CDH9: variants seen among roughly 807,000 people sequenced by gnomAD.
The protein encoded by CDH9 is cadherin 9.
Under a neutral mutation model 70.9 loss-of-function variants are expected in CDH9, and 28 were observed. The ratio of observed to expected loss-of-function variants is 0.40; its 90% CI spans 0.29 to 0.54. CDH9 has a LOEUF of 0.54. Ranked by LOEUF, CDH9 falls within the 20% of genes least tolerant of loss-of-function variation. The probability of loss-of-function intolerance (pLI) is 0.59; values close to 1 mark genes in which losing one functional copy is unlikely to be tolerated. For missense variants in CDH9, 874 were observed against 984.4 expected (o/e 0.89, Z 1.50); for synonymous variants, 409 against 343.1 (o/e 1.19, Z -2.12).
chr5:26,966,262 G>A (rs761719382), intron 2 of CDH9, among the ~76,000 whole-genome samples: 6 of 152,126 alleles, frequency 3.9e-5, no homozygotes, highest in Non-Finnish European at 7.4e-5. Context: ...ATTGACTCTG[G>A]CAAGTGTATT....
chr5:26,945,235 G>A (rs1322786870), intron 2 of CDH9, among the ~76,000 whole-genome samples: 1 of 148,890 alleles, frequency 6.7e-6, no homozygotes, highest in South Asian at 2.1e-4. Flanking sequence ...TGAACCAATT[G>A]CATGACTAAT....
chr5:26,955,982 C>G (rs538258913), intron 2 of CDH9, among the ~76,000 whole-genome samples: 8 of 152,238 alleles, frequency 5.3e-5, no homozygotes, highest in Non-Finnish European at 1.0e-4. Flanking sequence ...AAAACTTACA[C>G]TAAAATTTAA....
At chr5:26,924,799 A>C (rs907301544) in intron 2 of CDH9, among the ~76,000 whole-genome samples, 1 of 151,986 alleles carries the variant, frequency 6.6e-6, no homozygotes, top group African/African-American at 2.4e-5. Flanking sequence ...GAGAACATGC[A>C]GTGCTTAGTC....
At chr5:26,935,382 C>T (rs1422864483) in intron 2 of CDH9, among the ~76,000 whole-genome samples, 1 of 152,028 alleles carries the variant, frequency 6.6e-6, no homozygotes, top group Non-Finnish European at 1.5e-5. Context: ...AGACATCCTA[C>T]CTAATGCCAT....
At chr5:26,939,718 T>A (rs1390074469) in intron 2 of CDH9, among the ~76,000 whole-genome samples, 1 of 152,160 alleles carries the variant, frequency 6.6e-6, no homozygotes, top group Non-Finnish European at 1.5e-5. Context: ...TACTTCTAAG[T>A]ATATTTATGA....
chr5:26,971,247 T>C (rs896512489), intron 2 of CDH9, among the ~76,000 whole-genome samples: 2 of 152,112 alleles, frequency 1.3e-5, no homozygotes, highest in Admixed American at 6.6e-5. Flanking sequence ...AGGAGTGAAA[T>C]GGCATGAGAG....
chr5:26,993,422 A>T (rs1335244658), intron 1 of CDH9, among the ~76,000 whole-genome samples: 1 of 152,174 alleles, frequency 6.6e-6, no homozygotes, highest in Non-Finnish European at 1.5e-5. Flanking sequence ...TTAAAATGAA[A>T]TTGTTTAGCA....
At chr5:27,011,259 T>C (rs1184320998) in intron 1 of CDH9, among the ~76,000 whole-genome samples, 1 of 152,082 alleles carries the variant, frequency 6.6e-6, no homozygotes, top group Non-Finnish European at 1.5e-5. Context: ...TCCCAACCCC[T>C]GGAACCTAGG....
rs1251866460 is a variant in CDH9, at chr5:26,920,053, G to T, written c.229-4129C>A. Among the ~76,000 whole-genome samples, 3 of 152,022 alleles carry T rather than the reference G, an allele frequency of 2.0e-5. No homozygotes were observed. In the East Asian group the frequency reaches 5.9e-4, roughly 30 times the overall value. ...GCTGGTGGACCAGCTTGGCCACAGT[G>T]GGGTAGAGCACCAAAAGTAATCCTG... On this transcript the variant is annotated intron_variant, in intron 2 of 11. Transcript: ENST00000231021.
chr5:26,972,260 G>A (rs1291610676), intron 2 of CDH9, among the ~76,000 whole-genome samples: 3 of 152,102 alleles, frequency 2.0e-5, no homozygotes, highest in Non-Finnish European at 4.4e-5. Context: ...AAAGATTGAC[G>A]GCTGTCAGCA....
chr5:26,885,461 C>G (rs1204926530), intron 11 of CDH9, among the ~76,000 whole-genome samples, 153 bp downstream of exon 11: 2 of 152,112 alleles, frequency 1.3e-5, no homozygotes, highest in Admixed American at 6.6e-5. Context: ...CACAAAAACG[C>G]TTATTTTTTC....
chr5:27,023,543 C>A (rs763461119), intron 1 of CDH9, among the ~76,000 whole-genome samples: 23 of 151,986 alleles, frequency 1.5e-4, no homozygotes, highest in Non-Finnish European at 2.6e-4. Context: ...GGATTCTACT[C>A]TTTTTTGTTT....
chr5:26,959,851 G>T (rs1204937357), intron 2 of CDH9, among the ~76,000 whole-genome samples: 3 of 151,918 alleles, frequency 2.0e-5, no homozygotes, highest in Non-Finnish European at 1.5e-5. Flanking sequence ...ATTAGTGATT[G>T]TCAGTGTTCG....
rs1308184677 is a variant in CDH9, at chr5:26,902,665, T to C, written c.1064A>G (p.Asp355Gly). Reference protein sequence around the residue: ...LRVDASNTHPDPRFLHLGPFK... With the variant: ...LRVDASNTHPGPRFLHLGPFK... ...AGGTCCCAGGTGTAAGAATCGTGGATCAGGGTGAGTGTTACTTGCATCCAC... is the reference window on the plus strand; with the variant it reads ...AGGTCCCAGGTGTAAGAATCGTGGACCAGGGTGAGTGTTACTTGCATCCAC... Residue 355 changes from aspartate to glycine, a missense_variant, in exon 7 of 12, where the codon GAT becomes GGT. Physicochemically the swap from Asp to Gly is moderately conservative, Grantham distance 94. Transcript: ENST00000231021. 1 of 1,584,436 alleles carries C rather than the reference T, an allele frequency of 6.3e-7. No individual in the cohort carries two copies. Among genetic ancestry groups the C allele is most frequent in the Non-Finnish European group, 8.7e-7 (1 of 1,153,320 alleles).
At chr5:26,988,570 C>A (rs985674082) in intron 1 of CDH9, among the ~76,000 whole-genome samples, 188 bp from the exon 2 acceptor site, 1 of 151,832 alleles carries the variant, frequency 6.6e-6, no homozygotes, top group Non-Finnish European at 1.5e-5. Flanking sequence ...AAGACATATA[C>A]AACTCAAGTA....
chr5:26,916,110 A>C (rs1187262730), intron 2 of CDH9, among the ~76,000 whole-genome samples, 186 bp from the exon 3 acceptor site: 2 of 152,014 alleles, frequency 1.3e-5, no homozygotes, highest in East Asian at 1.9e-4. Flanking sequence ...AATTTTTAAC[A>C]GTCATATTTA....
intron 1 of CDH9, among the ~76,000 whole-genome samples, chr5:27,003,920 C>G (rs1315954143): frequency 6.6e-6 from 1 of 151,670 alleles, no homozygotes. Context: ...ACCAATGTAA[C>G]ATGTTAATAA....
chr5:26,925,248 C>T (rs1022266528), intron 2 of CDH9, among the ~76,000 whole-genome samples: 1 of 152,174 alleles, frequency 6.6e-6, no homozygotes, highest in African/African-American at 2.4e-5. Context: ...GCCATTCTAA[C>T]TGGTGTGAGA....
rs75658869 is a variant in CDH9, at chr5:27,021,933, C to T, written c.-50+16530G>A. 2.8e-3 allele frequency among the ~76,000 whole-genome samples: 432 copies of T among 152,068 alleles called. 3 individuals are homozygous for T. The highest frequency in any genetic ancestry group is 9.9e-3 in the African/African-American group (413 of 41,544). On this transcript the variant is annotated intron_variant, in intron 1 of 11. Coordinates refer to ENST00000231021, the MANE Select transcript of CDH9 (RefSeq NM_016279.4). ...AATAATTAATTTTCATGTAAATAGA[C>T]TGTGAAAACAAAATGTTTAATTCAC...
Sources: gnomAD v4.1 joint callset for allele counts (sites outside exome capture counted in the v4.1 genomes callset) on GRCh38, gnomAD v4.1.1 for gene constraint, MANE v1.5 for transcripts, NCBI Gene and HGNC (gene_info 2026-07-23, HGNC 2026-07-21) for gene names.